Variants in SCNN1B observed in about 807,000 individuals in gnomAD.
SCNN1B encodes sodium channel epithelial 1 subunit beta.
SCNN1B carries 46 observed loss-of-function variants against 65.3 expected under a neutral mutation model. That is an observed-to-expected ratio of 0.70 (90% CI 0.56 to 0.90). The LOEUF is 0.90. Ranked by LOEUF, SCNN1B falls within the 40% of genes least tolerant of loss-of-function variation. The pLI is 0.00. For missense variants in SCNN1B, 751 were observed against 830.5 expected (o/e 0.90, Z 1.18); for synonymous variants, 349 against 330.6 (o/e 1.06, Z -0.60).
chr16:23,358,833 G>A (rs1470621502), intron 4 of SCNN1B, among the ~76,000 whole-genome samples: 2 of 152,240 alleles, frequency 1.3e-5, no homozygotes, highest in Non-Finnish European at 2.9e-5. Flanking sequence ...CTTGAACCCG[G>A]AAGGCAGAGG....
At chr16:23,303,644 T>C (rs2141977893) in intron 1 of SCNN1B, among the ~76,000 whole-genome samples, 1 of 151,284 alleles carries the variant, frequency 6.6e-6, no homozygotes, top group Admixed American at 6.6e-5. Flanking sequence ...ATGTTGTAGG[T>C]GGATATTTAA....
At chr16:23,364,990 G>C (rs367954418) in intron 4 of SCNN1B, among the ~76,000 whole-genome samples, 1 of 152,132 alleles carries the variant, frequency 6.6e-6, no homozygotes, top group African/African-American at 2.4e-5. Flanking sequence ...GCTGGTTGTG[G>C]TGGCAGGCAC....
intron 1 of SCNN1B, among the ~76,000 whole-genome samples, chr16:23,331,251 GC>G (rs1405133194): frequency 6.6e-6 from 1 of 151,880 alleles, no homozygotes; most frequent in Non-Finnish European, 1.5e-5. Flanking sequence ...TGCAAGTTTG[GC>G]CTTAAGTACT....
At chr16:23,370,352 C>T (rs916873926) in intron 5 of SCNN1B, among the ~76,000 whole-genome samples, 1 of 152,100 alleles carries the variant, frequency 6.6e-6, no homozygotes, top group African/African-American at 2.4e-5. Context: ...GTGATCTGCC[C>T]GCTTCAGCCT....
chr16:23,354,269 T>G (rs1165166383), intron 3 of SCNN1B, among the ~76,000 whole-genome samples: 1 of 152,232 alleles, frequency 6.6e-6, no homozygotes. Context: ...TGTAAGACAC[T>G]GGGAACAAAG....
At chr16:23,304,059 GAT>G (rs1256730125) in intron 1 of SCNN1B, 1 of 1,535,768 alleles carries the variant, frequency 6.5e-7, no homozygotes, top group East Asian at 2.4e-5. Flanking sequence ...TCCCGCCGTG[GAT>G]AATGCCTACC....
intron 1 of SCNN1B, among the ~76,000 whole-genome samples, chr16:23,320,549 T>G (rs1206338276): frequency 1.3e-5 from 2 of 152,202 alleles, no homozygotes; most frequent in African/African-American, 4.8e-5. Context: ...TCAAGGGGTT[T>G]CCTCAAGTTC....
rs771696155 is a variant in SCNN1B, at chr16:23,355,349, C to A, written c.636C>A (p.Thr212=). 6 of 1,614,034 alleles carry A rather than the reference C, an allele frequency of 3.7e-6. No individual in the cohort carries two copies. Among genetic ancestry groups the A allele is most frequent in the Non-Finnish European group, 5.1e-6 (6 of 1,180,042 alleles). The change falls in exon 4 of 13, where the codon ACC becomes ACA. Residue 212 remains threonine (T), a synonymous_variant. Transcript: ENST00000343070. ...CCTTCCGGAACTTCACCAGTGCTAC[C>A]CAGGCATTGACAGAGTGGTACATCC... is the stretch of plus-strand genomic sequence containing the variant. ...QCTFRNFTSA[T]QALTEWYILQ...
At chr16:23,323,356 G>A (rs536915990) in intron 1 of SCNN1B, among the ~76,000 whole-genome samples, 10 of 152,194 alleles carry the variant, frequency 6.6e-5, no homozygotes, top group Non-Finnish European at 1.3e-4. Context: ...ATAACAGCAT[G>A]AGTGAAAGTG....
chr16:23,368,815 T>A (rs187508), intron 5 of SCNN1B, among the ~76,000 whole-genome samples: 7,203 of 152,190 alleles, frequency 0.047, 201 homozygotes, highest in Middle Eastern at 0.1. Context: ...AGACATTGCA[T>A]GTTCTTACCT....
intron 7 of SCNN1B, chr16:23,372,098 G>A: frequency 4.9e-6 from 3 of 611,538 alleles, no homozygotes; most frequent in Non-Finnish European, 8.8e-6. Context: ...ACATTGGCAG[G>A]TGTACCCCTG....
At chr16:23,347,263 C>T (rs528301921) in intron 1 of SCNN1B, among the ~76,000 whole-genome samples, 5 of 152,182 alleles carry the variant, frequency 3.3e-5, no homozygotes, top group Non-Finnish European at 5.9e-5. Context: ...TCTTACCCAC[C>T]GACAGCTAGT....
chr16:23,360,407 G>A (rs550180512), intron 4 of SCNN1B, among the ~76,000 whole-genome samples: 61 of 151,740 alleles, frequency 4.0e-4, no homozygotes, highest in African/African-American at 1.2e-3. Context: ...AAATTAGCCC[G>A]GCGTGGTGGT....
chr16:23,317,106 A>T (rs192408857), intron 1 of SCNN1B, among the ~76,000 whole-genome samples: 154 of 152,356 alleles, frequency 1.0e-3, no homozygotes, highest in African/African-American at 3.6e-3. Flanking sequence ...CCTAAATTTG[A>T]TTCCTAGCTC....
chr16:23,341,843 G>A (rs1465080797), intron 1 of SCNN1B, among the ~76,000 whole-genome samples: 1 of 152,154 alleles, frequency 6.6e-6, no homozygotes, highest in Admixed American at 6.5e-5. Flanking sequence ...TTTTGGAGAG[G>A]ATGTGGAGAG....
At chr16:23,361,558 C>A (rs1400278413) in intron 4 of SCNN1B, among the ~76,000 whole-genome samples, 1 of 152,216 alleles carries the variant, frequency 6.6e-6, no homozygotes, top group Non-Finnish European at 1.5e-5. Context: ...TTTATTGACA[C>A]AGTATGGACT....
chr16:23,291,846 G>A (rs1960930164), intron 2 of SCNN1B, among the ~76,000 whole-genome samples: 1 of 151,546 alleles, frequency 6.6e-6, no homozygotes, highest in African/African-American at 2.4e-5. Flanking sequence ...CTCCCAAAGT[G>A]CTGGGTTTAC....
At chr16:23,282,209 A>G (rs996258283) in intron 1 of SCNN1B, among the ~76,000 whole-genome samples, 2 of 152,228 alleles carry the variant, frequency 1.3e-5, no homozygotes, top group African/African-American at 2.4e-5. Context: ...ACTTGTACCC[A>G]TAAATCCATA....
At chr16:23,356,183 G>A (rs1567309440) in intron 4 of SCNN1B, among the ~76,000 whole-genome samples, 2 of 152,214 alleles carry the variant, frequency 1.3e-5, no homozygotes, top group South Asian at 4.1e-4. Flanking sequence ...AGCTGGGGGT[G>A]GGTGCACCAG....
Sources: gnomAD v4.1 joint callset for allele counts (sites outside exome capture counted in the v4.1 genomes callset) on GRCh38, gnomAD v4.1.1 for gene constraint, MANE v1.5 for transcripts, NCBI Gene and HGNC (gene_info 2026-07-23, HGNC 2026-07-21) for gene names.